Variants in KCNB2 observed in about 807,000 individuals in gnomAD.
KCNB2 encodes delayed rectifier potassium channel protein.
Under a neutral mutation model 61.5 loss-of-function variants are expected in KCNB2, and 15 were observed. The ratio of observed to expected loss-of-function variants is 0.24; its 90% confidence interval spans 0.16 to 0.38. The LOEUF is 0.38. KCNB2 is among the 10% of genes least tolerant of loss of function. KCNB2 has a pLI of 1.00. For synonymous variants in KCNB2, 457 were observed against 446.0 expected, an observed-to-expected ratio of 1.02 and a Z score of -0.31; for missense variants, 828 against 1,125.2, an observed-to-expected ratio of 0.74 and a Z score of 3.78.
intron 2 of KCNB2, among the ~76,000 whole-genome samples, chr8:72,621,299 G>A (rs1225754554): frequency 1.3e-5 from 2 of 152,140 alleles, no homozygotes; most frequent in Non-Finnish European, 2.9e-5. Flanking sequence ...TGTGGAGGAC[G>A]TGGTAGTCAA....
rs192381425 is a variant in KCNB2 at position 72,644,763 on chromosome 8, T to A, written c.579+76450T>A. Among the ~76,000 whole-genome samples the A allele has an allele frequency of 9.2e-5, 14 of 152,326 alleles. No homozygotes were observed. The East Asian group carries it at 2.7e-3, about 29-fold the overall frequency. ...TGCCAGGTAGTTACTGAACTGCTCATGTACTTTATCTCATTTAGTCCTTGC... is the reference window on the plus strand; with the variant it reads ...TGCCAGGTAGTTACTGAACTGCTCAAGTACTTTATCTCATTTAGTCCTTGC... On this transcript the variant is annotated intron_variant, in intron 2 of 2. Transcript: ENST00000523207.
chr8:72,788,852 A>G (rs1444437798), intron 2 of KCNB2, among the ~76,000 whole-genome samples: 1 of 152,194 alleles, frequency 6.6e-6, no homozygotes, highest in Non-Finnish European at 1.5e-5. Flanking sequence ...TAAAGGACTA[A>G]CATAACACTG....
chr8:72,852,787 G>C (rs1303883972), intron 2 of KCNB2, among the ~76,000 whole-genome samples: 2 of 152,148 alleles, frequency 1.3e-5, no homozygotes, highest in Non-Finnish European at 1.5e-5. Context: ...TTATAAAGTT[G>C]ATCAGGTAAC....
At chr8:72,575,236 G>T (rs1806776156) in intron 2 of KCNB2, among the ~76,000 whole-genome samples, 1 of 151,018 alleles carries the variant, frequency 6.6e-6, no homozygotes, top group Non-Finnish European at 1.5e-5. Context: ...TTACTATTTA[G>T]CTTCTCCCCC....
intron 2 of KCNB2, among the ~76,000 whole-genome samples, chr8:72,774,886 G>T (rs984548718): frequency 6.6e-6 from 1 of 152,074 alleles, no homozygotes; most frequent in African/African-American, 2.4e-5. Context: ...GCTCAGGAAT[G>T]AAATCTCCTG....
Position 72,920,461 on chromosome 8 carries a change from C to CTATATATA in KCNB2, c.580-15471_580-15470insATATATAT, listed in dbSNP as rs1210179232. Among the ~76,000 whole-genome samples the CTATATATA allele has an allele frequency of 8.0e-4, 58 of 72,606 alleles. 2 individuals carry two copies. Among genetic ancestry groups the CTATATATA allele is most frequent in the Admixed American group, 1.7e-3 (12 of 6,968 alleles). The allele number at this position is 72,606 out of a possible 152,430, so 47.6% of individuals were successfully genotyped here. A position where few individuals can be genotyped will look rare whatever the true frequency, so the allele number is the denominator to read the frequency against. On this transcript the variant is annotated intron_variant, in intron 2 of 2. Transcript: ENST00000523207. ...CCACTATATCTATCTATCTATCTATCTATCTATCTATCTATATATATATAT... is the reference window on the plus strand; with the variant it reads ...CCACTATATCTATCTATCTATCTATCTATATATATATCTATCTATCTATATATATATAT...
intron 2 of KCNB2, among the ~76,000 whole-genome samples, chr8:72,591,621 T>G (rs531228036): frequency 6.6e-6 from 1 of 152,250 alleles, no homozygotes; most frequent in South Asian, 2.1e-4. Context: ...CTCCTTAAAT[T>G]TTCCTGTTCA....
At chr8:72,603,675 T>C (rs1039976351) in intron 2 of KCNB2, among the ~76,000 whole-genome samples, 2 of 152,164 alleles carry the variant, frequency 1.3e-5, no homozygotes, top group African/African-American at 4.8e-5. Flanking sequence ...TTGATTAGTG[T>C]CCTCATCCTT....
chr8:72,620,773 T>A (rs1805702494), intron 2 of KCNB2, among the ~76,000 whole-genome samples: 1 of 152,042 alleles, frequency 6.6e-6, no homozygotes, highest in African/African-American at 2.4e-5. Flanking sequence ...CACACCTGGC[T>A]AATTTCGTGT....
intron 2 of KCNB2, among the ~76,000 whole-genome samples, chr8:72,677,919 C>T (rs74868552): frequency 8.5e-5 from 13 of 152,188 alleles, no homozygotes; most frequent in Non-Finnish European, 1.8e-4. Context: ...ACCACTATAC[C>T]AAGGCATCCA....
intron 2 of KCNB2, among the ~76,000 whole-genome samples, chr8:72,685,023 C>CT (rs1563558982): frequency 2.0e-5 from 3 of 152,238 alleles, no homozygotes; most frequent in East Asian, 3.9e-4. Flanking sequence ...TATAATTTCA[C>CT]TAAGGCAAGG....
chr8:72,628,793 C>G (rs1002068330), intron 2 of KCNB2, among the ~76,000 whole-genome samples: 2 of 152,190 alleles, frequency 1.3e-5, no homozygotes, highest in Non-Finnish European at 2.9e-5. Context: ...TGCTGAATAA[C>G]ATCCAAATGA....
At chr8:72,642,701 C>T (rs954971625) in intron 2 of KCNB2, among the ~76,000 whole-genome samples, 2 of 152,204 alleles carry the variant, frequency 1.3e-5, no homozygotes, top group Non-Finnish European at 2.9e-5. Flanking sequence ...TTTTGTTTGT[C>T]TTCTGCAAAA....
rs546237673 is a variant in KCNB2, at chr8:72,770,328, A to G, written c.580-165607A>G. Among the ~76,000 whole-genome samples, 272 of 152,320 alleles carry G rather than the reference A, an allele frequency of 1.8e-3. 1 individual carries two copies. Among genetic ancestry groups the G allele is most frequent in the African/African-American group, 6.4e-3 (264 of 41,558 alleles). On this transcript the variant is annotated intron_variant, in intron 2 of 2. Coordinates refer to ENST00000523207, the MANE Select transcript of KCNB2 (RefSeq NM_004770.3). ...ACTGTAATGGTATTGGATGATTTCT[A>G]TTATTAAGACATAGGTTTTGTGTGT...
intron 2 of KCNB2, among the ~76,000 whole-genome samples, chr8:72,850,324 A>G (rs1810078313): frequency 6.6e-6 from 1 of 151,872 alleles, no homozygotes; most frequent in Non-Finnish European, 1.5e-5. Flanking sequence ...GGTTCAAGCC[A>G]TCTTCCCATA....
At chr8:72,793,383 TGACAA>T (rs1458519851) in intron 2 of KCNB2, among the ~76,000 whole-genome samples, 1 of 152,038 alleles carries the variant, frequency 6.6e-6, no homozygotes, top group Non-Finnish European at 1.5e-5. Flanking sequence ...AAGAAACAAA[TGACAA>T]GAAGGAGCCA....
At chr8:72,866,129 A>G (rs1315676074) in intron 2 of KCNB2, among the ~76,000 whole-genome samples, 1 of 152,206 alleles carries the variant, frequency 6.6e-6, no homozygotes, top group Non-Finnish European at 1.5e-5. Flanking sequence ...AAGGCCAACA[A>G]AAACATCTGA....
intron 2 of KCNB2, among the ~76,000 whole-genome samples, chr8:72,825,037 TA>T (rs1809573618): frequency 6.6e-6 from 1 of 152,220 alleles, no homozygotes; most frequent in African/African-American, 2.4e-5. Flanking sequence ...CTGAACCCAC[TA>T]AACACTAATT....
chr8:72,702,912 T>C (rs940004398), intron 2 of KCNB2, among the ~76,000 whole-genome samples: 1 of 152,194 alleles, frequency 6.6e-6, no homozygotes, highest in Non-Finnish European at 1.5e-5. Context: ...TCTTTCCATC[T>C]GCTTTCTGTG....
Sources: gnomAD v4.1 joint callset for allele counts (sites outside exome capture counted in the v4.1 genomes callset) on GRCh38, gnomAD v4.1.1 for gene constraint, MANE v1.5 for transcripts, NCBI Gene and HGNC (gene_info 2026-07-23, HGNC 2026-07-21) for gene names.